The following PTPRG variants were observed in gnomAD, a reference collection of about 807,000 sequenced individuals.
PTPRG encodes receptor-type tyrosine-protein phosphatase gamma.
Under a neutral mutation model 165.3 loss-of-function variants are expected in PTPRG, and 102 were observed. That is an observed-to-expected ratio of 0.62 (90% CI 0.53 to 0.73). PTPRG has a LOEUF of 0.73. Among genes scored for constraint, PTPRG ranks in the 30% least tolerant of loss-of-function variants. PTPRG has a pLI of 0.00. For synonymous variants in PTPRG, 675 were observed against 669.5 expected, an observed-to-expected ratio of 1.01 and a Z score of -0.13; for missense variants, 1,866 against 1,861.4, an observed-to-expected ratio of 1.00 and a Z score of -0.05.
At chr3:62,010,588 G>C (rs2041397817) in intron 4 of PTPRG, among the ~76,000 whole-genome samples, 1 of 152,004 alleles carries the variant, frequency 6.6e-6, no homozygotes, top group African/African-American at 2.4e-5. Flanking sequence ...TGGCTACTCA[G>C]CAGCATCTCA....
intron 2 of PTPRG, among the ~76,000 whole-genome samples, chr3:61,885,862 T>A (rs961766287): frequency 2.0e-5 from 3 of 148,492 alleles, no homozygotes; most frequent in African/African-American, 7.5e-5. Context: ...TTTTGTTGGG[T>A]CTAAATCTTG....
intron 8 of PTPRG, among the ~76,000 whole-genome samples, chr3:62,184,537 A>G (rs956262186): frequency 1.3e-5 from 2 of 152,240 alleles, no homozygotes; most frequent in Non-Finnish European, 2.9e-5. Context: ...AATGACAGGC[A>G]TTTAAGCAGT....
At chr3:62,080,636 T>TA (rs955637994) in intron 5 of PTPRG, among the ~76,000 whole-genome samples, 16 of 152,038 alleles carry the variant, frequency 1.1e-4, no homozygotes, top group East Asian at 1.9e-4. Context: ...AAAGAAAATT[T>TA]AAAAAAAACT....
intron 1 of PTPRG, among the ~76,000 whole-genome samples, chr3:61,730,169 C>T (rs946290442): frequency 4.6e-5 from 7 of 152,134 alleles, no homozygotes; most frequent in Admixed American, 6.5e-5. Flanking sequence ...TAAGGGATAC[C>T]GTCTGTGTTG....
chr3:61,721,369 A>G (rs143895120), intron 1 of PTPRG, among the ~76,000 whole-genome samples: 1 of 152,344 alleles, frequency 6.6e-6, no homozygotes, highest in African/African-American at 2.4e-5. Context: ...AGGTGCCTCC[A>G]GTAGAGATGT....
rs376423962 is a variant in PTPRG at position 61,635,223 on chromosome 3, G to A, written c.85+72851G>A. On this transcript the variant is annotated intron_variant, in intron 1 of 29. Transcript: ENST00000474889. ...ATAAAATCCAATAAAATGAGTTGGCGAAAATCAAGCTGTCATGGAGTTGCT... is the reference window on the plus strand; with the variant it reads ...ATAAAATCCAATAAAATGAGTTGGCAAAAATCAAGCTGTCATGGAGTTGCT... Among the ~76,000 whole-genome samples, 37 of 151,948 alleles carry A rather than the reference G, an allele frequency of 2.4e-4. 1 individual carries two copies. The East Asian group carries it at 4.8e-3, about 20-fold the overall frequency.
intron 2 of PTPRG, among the ~76,000 whole-genome samples, chr3:61,841,305 C>T (rs1233865699): frequency 6.6e-6 from 1 of 152,124 alleles, no homozygotes; most frequent in Non-Finnish European, 1.5e-5. Context: ...TGCTGAAAAG[C>T]CATCAGTTAA....
intron 1 of PTPRG, among the ~76,000 whole-genome samples, chr3:61,715,981 C>T (rs559328129): frequency 1.2e-4 from 19 of 152,050 alleles, no homozygotes; most frequent in Admixed American, 3.9e-4. Context: ...CTCTCCTAGA[C>T]ATAAGAGGAG....
intron 5 of PTPRG, among the ~76,000 whole-genome samples, chr3:62,113,226 T>C (rs1242009237): frequency 1.3e-5 from 2 of 152,088 alleles, no homozygotes; most frequent in East Asian, 3.9e-4. Flanking sequence ...GATTAAAGAT[T>C]AGCTGTGTGG....
chr3:62,191,452 G>T lies in PTPRG; in HGVS notation c.1034-17G>T, dbSNP rs774426139. On this transcript the variant is annotated splice_polypyrimidine_tract_variant and intron_variant, in intron 8 of 29. Transcript: ENST00000474889. The stretch of plus-strand genomic sequence containing the variant: ...TTGTTCTGAAAGCTCCCTGAGCTGA[G>T]CCCTGTGTATCTTCAGTTTGCAGCT... The T allele has an allele frequency of 6.8e-6, 11 of 1,611,502 alleles. No individual in the cohort carries two copies. In the Admixed American group the frequency reaches 1.7e-4, roughly 24 times the overall value.
At chr3:61,878,012 G>A (rs1262919656) in intron 2 of PTPRG, among the ~76,000 whole-genome samples, 1 of 152,174 alleles carries the variant, frequency 6.6e-6, no homozygotes, top group Admixed American at 6.5e-5. Context: ...AGTGAGAGAA[G>A]TACTTCCTGA....
chr3:62,164,975 C>T (rs1007394485), intron 7 of PTPRG, among the ~76,000 whole-genome samples: 1 of 152,170 alleles, frequency 6.6e-6, no homozygotes, highest in Non-Finnish European at 1.5e-5. Context: ...GTCTAATTCA[C>T]GATGTATGGC....
intron 4 of PTPRG, among the ~76,000 whole-genome samples, chr3:62,063,517 T>C (rs925181775): frequency 3.3e-5 from 5 of 152,220 alleles, no homozygotes; most frequent in Non-Finnish European, 5.9e-5. Context: ...TTTGTGTTTA[T>C]ATAAAGTAAA....
At chr3:61,631,210 GAA>G (rs11330668) in intron 1 of PTPRG, among the ~76,000 whole-genome samples, 1 of 150,156 alleles carries the variant, frequency 6.7e-6, no homozygotes, top group Non-Finnish European at 1.5e-5. Flanking sequence ...TGTATGGTAA[GAA>G]AAAAAAAATG....
chr3:61,762,021 A>C (rs1349755940), intron 2 of PTPRG, among the ~76,000 whole-genome samples: 1 of 150,596 alleles, frequency 6.6e-6, no homozygotes, highest in Non-Finnish European at 1.5e-5. Flanking sequence ...AAAATGAAAT[A>C]TGAAGCTCTT....
At chr3:62,142,198 C>T (rs1341156707) in intron 6 of PTPRG, among the ~76,000 whole-genome samples, 1 of 151,822 alleles carries the variant, frequency 6.6e-6, no homozygotes, top group Non-Finnish European at 1.5e-5. Flanking sequence ...CTGAAGAAAA[C>T]ATTGTGCATT....
intron 4 of PTPRG, among the ~76,000 whole-genome samples, chr3:62,074,398 C>G (rs1214133024): frequency 7.8e-6 from 1 of 128,782 alleles, no homozygotes; most frequent in Non-Finnish European, 1.6e-5. Context: ...CTCTGTCACT[C>G]AGGCTGGAGT....
intron 2 of PTPRG, among the ~76,000 whole-genome samples, chr3:61,763,655 G>GC (rs1369220114): frequency 6.6e-6 from 1 of 152,040 alleles, no homozygotes; most frequent in Non-Finnish European, 1.5e-5. Flanking sequence ...ACAGGCTTGA[G>GC]CCACTGTACC....
chr3:62,131,605 T>C (rs1703516670), intron 5 of PTPRG, among the ~76,000 whole-genome samples: 1 of 152,190 alleles, frequency 6.6e-6, no homozygotes, highest in African/African-American at 2.4e-5. Flanking sequence ...ATATAAATAC[T>C]ATCAATGGGG....
Sources: allele counts gnomAD v4.1 joint callset (sites outside exome capture counted in the v4.1 genomes callset), GRCh38; gene constraint gnomAD v4.1.1; transcripts MANE v1.5; gene names NCBI Gene and HGNC (gene_info 2026-07-23, HGNC 2026-07-21).